Variants in DAB1 observed in about 807,000 individuals in gnomAD.
DAB1 encodes the protein DAB adaptor protein 1.
In DAB1, 15 loss-of-function variants were observed where a neutral mutation model predicts 64.6. That is an observed-to-expected ratio of 0.23 (90% CI 0.16 to 0.36). The LOEUF (loss-of-function observed/expected upper bound fraction) is 0.36, where lower values mean the gene tolerates loss of function less well. DAB1 is among the 10% of genes least tolerant of loss of function. DAB1 has a pLI of 1.00. For missense variants in DAB1, 596 were observed against 706.7 expected (o/e 0.84, Z 1.78); for synonymous variants, 235 against 251.9 (o/e 0.93, Z 0.64).
At chr1:58,349,210 C>T (rs1412297366) in intron 3 of DAB1, among the ~76,000 whole-genome samples, 1 of 152,198 alleles carries the variant, frequency 6.6e-6, no homozygotes, top group East Asian at 1.9e-4. Context: ...TGAGCCCCTG[C>T]TCTTCTCTTA....
intron 9 of DAB1, among the ~76,000 whole-genome samples, chr1:57,027,896 G>C (rs1646843431): frequency 6.6e-6 from 1 of 152,166 alleles, no homozygotes; most frequent in South Asian, 2.1e-4. Context: ...TTCAACAACT[G>C]CTAGATGCTG....
Position 57,327,748 on chromosome 1 carries a change from CTGGGTA to C in DAB1, c.-136-36588_-136-36583del, listed in dbSNP as rs1676294038. Among the ~76,000 whole-genome samples the C allele has an allele frequency of 2.0e-5, 3 of 152,240 alleles. No individual in the cohort carries two copies. In the South Asian group the frequency reaches 6.2e-4, roughly 32 times the overall value. On this transcript the variant is annotated intron_variant, in intron 1 of 14. Coordinates refer to ENST00000371236, the MANE Select transcript of DAB1 (RefSeq NM_001365792.1). The stretch of plus-strand genomic sequence containing the variant: ...AAGGAAAGGATTCCTGTCATATGGG[CTGGGTA>C]GCTCAACGGTGGCCTCTTGAGATTT...
intron 2 of DAB1, among the ~76,000 whole-genome samples, chr1:57,282,951 T>G (rs1341927887): frequency 2.6e-5 from 4 of 152,132 alleles, no homozygotes; most frequent in Non-Finnish European, 5.9e-5. Flanking sequence ...GCCCCTATAA[T>G]TTTTTTCACA....
At chr1:57,492,451 T>C (rs1182082967) in intron 7 of DAB1, among the ~76,000 whole-genome samples, 1 of 152,190 alleles carries the variant, frequency 6.6e-6, no homozygotes, top group African/African-American at 2.4e-5. Flanking sequence ...CTCTAGAAAA[T>C]GCCTGTTCAA....
At chr1:57,886,499 T>C (rs1273733185), upstream of DAB1, among the ~76,000 whole-genome samples, 1 of 152,178 alleles carries the variant, frequency 6.6e-6, no homozygotes, top group African/African-American at 2.4e-5. Context: ...CCACCAGCAG[T>C]TAACAAATTC....
chr1:58,130,997 G>T (rs1386429390), intron 5 of DAB1, among the ~76,000 whole-genome samples: 6 of 131,976 alleles, frequency 4.5e-5, no homozygotes, highest in East Asian at 2.3e-4. Context: ...GAATCTGAAC[G>T]TTGGCCTGCC....
chr1:57,590,384 A>G (rs889708537), intron 7 of DAB1, among the ~76,000 whole-genome samples: 1 of 151,618 alleles, frequency 6.6e-6, no homozygotes, highest in African/African-American at 2.4e-5. Flanking sequence ...CAGTGGTGCG[A>G]TCTTGGCTCA....
chr1:57,907,924 C>T (rs60032995), intron 5 of DAB1, among the ~76,000 whole-genome samples: 3,582 of 105,346 alleles, frequency 0.034, 129 homozygotes, highest in East Asian at 0.24. Flanking sequence ...TATATATATA[C>T]ACACACACAC....
intron 7 of DAB1, among the ~76,000 whole-genome samples, chr1:57,497,221 T>A (rs1644241140): frequency 6.6e-6 from 1 of 152,228 alleles, no homozygotes; most frequent in African/African-American, 2.4e-5. Flanking sequence ...TGCTCTACTA[T>A]TTTCTTTATA....
At chr1:57,935,306 A>T (rs1161741147) in intron 5 of DAB1, among the ~76,000 whole-genome samples, 1 of 152,202 alleles carries the variant, frequency 6.6e-6, no homozygotes, top group African/African-American at 2.4e-5. Flanking sequence ...CTGCATCTGT[A>T]AAATGGGGAT....
At chr1:58,042,660 TA>T (rs1468780631) in intron 5 of DAB1, among the ~76,000 whole-genome samples, 2 of 152,132 alleles carry the variant, frequency 1.3e-5, no homozygotes, top group African/African-American at 4.8e-5. Context: ...AAGGATACTC[TA>T]GCGGGGACAG....
At chr1:57,255,964 A>T (rs761361392) in intron 2 of DAB1, among the ~76,000 whole-genome samples, 1 of 152,224 alleles carries the variant, frequency 6.6e-6, no homozygotes, top group African/African-American at 2.4e-5. Context: ...TATTAAATGT[A>T]TATCTTAAAT....
chr1:57,779,642 A>G (rs1649972352), intron 6 of DAB1, among the ~76,000 whole-genome samples: 2 of 152,202 alleles, frequency 1.3e-5, no homozygotes, highest in African/African-American at 4.8e-5. Context: ...GATATGCCAT[A>G]TGTTGTGTGA....
intron 4 of DAB1, among the ~76,000 whole-genome samples, chr1:58,300,621 A>AAG (rs1662121598): frequency 2.8e-5 from 1 of 35,952 alleles, no homozygotes; most frequent in African/African-American, 8.4e-5. Flanking sequence ...AGAGAGAGAG[A>AAG]GAGAGAGAGA....
chr1:57,306,478 A>T (rs1250280098), intron 1 of DAB1, among the ~76,000 whole-genome samples: 1 of 151,408 alleles, frequency 6.6e-6, no homozygotes, highest in Non-Finnish European at 1.5e-5. Context: ...TGTTTTGCCA[A>T]ACACTCAGAA....
intron 1 of DAB1, among the ~76,000 whole-genome samples, chr1:57,419,881 C>T (rs761256652): frequency 6.6e-6 from 1 of 152,258 alleles, no homozygotes; most frequent in Non-Finnish European, 1.5e-5. Context: ...TCCTTACCAC[C>T]TGCTATACCA....
At chr1:58,280,745 A>T (rs924730012) in intron 4 of DAB1, among the ~76,000 whole-genome samples, 13 of 152,180 alleles carry the variant, frequency 8.5e-5, no homozygotes, top group Admixed American at 5.9e-4. Context: ...CTGCCCTTGG[A>T]TCTTGCAGAA....
At chr1:58,333,543 C>G (rs931242908) in intron 4 of DAB1, among the ~76,000 whole-genome samples, 1 of 152,226 alleles carries the variant, frequency 6.6e-6, no homozygotes, top group Non-Finnish European at 1.5e-5. Context: ...TATGGGTGCA[C>G]ACGCACACTT....
intron 5 of DAB1, among the ~76,000 whole-genome samples, chr1:58,060,942 G>A (rs958228512): frequency 2.0e-5 from 3 of 152,354 alleles, no homozygotes; most frequent in South Asian, 4.2e-4. Flanking sequence ...CCAAGCCAGA[G>A]GCTGCCTGCC....
Sources: allele counts gnomAD v4.1 joint callset (sites outside exome capture counted in the v4.1 genomes callset), GRCh38; gene constraint gnomAD v4.1.1; transcripts MANE v1.5; gene names NCBI Gene and HGNC (gene_info 2026-07-23, HGNC 2026-07-21).